The following RFX3 variants were observed in gnomAD, a reference collection of about 807,000 sequenced individuals.
The protein encoded by RFX3 is regulatory factor X3.
Under a neutral mutation model 98.6 loss-of-function variants are expected in RFX3, and 14 were observed. That is an observed-to-expected ratio of 0.14 (90% CI 0.09 to 0.22). The LOEUF (loss-of-function observed/expected upper bound fraction) is 0.22. RFX3 is among the 10% of genes least tolerant of loss of function. The pLI is 1.00. For synonymous variants in RFX3, 383 were observed against 328.4 expected (o/e 1.17, Z -1.80); for missense variants, 639 against 926.9 (o/e 0.69, Z 4.03).
chr9:3,384,299 GA>G (rs1564021854), intron 2 of RFX3, among the ~76,000 whole-genome samples: 1 of 152,034 alleles, frequency 6.6e-6, no homozygotes, highest in Non-Finnish European at 1.5e-5. Flanking sequence ...AAGAGCCTTT[GA>G]AAAAAAGAAT....
chr9:3,231,611 C>A (rs1818457482), intron 15 of RFX3, among the ~76,000 whole-genome samples: 1 of 151,880 alleles, frequency 6.6e-6, no homozygotes, highest in Non-Finnish European at 1.5e-5. Flanking sequence ...GGGTTCAAGT[C>A]TTAGAAATGG....
chr9:3,220,624 C>G lies in RFX3; in HGVS notation c.*4418G>C, dbSNP rs1817294369. 1 of 117,266 alleles carries G rather than the reference C, an allele frequency of 8.5e-6. No individual in the cohort carries two copies. The highest frequency in any genetic ancestry group is 3.3e-4 in the South Asian group (1 of 3,002). The allele number at this position is 117,266 out of a possible 1,614,324, so 7.3% of individuals were successfully genotyped here. On this transcript the variant is annotated 3_prime_UTR_variant, in exon 17 of 17. Coordinates refer to ENST00000617270, the MANE Select transcript of RFX3 (RefSeq NM_001282116.2). The stretch of plus-strand genomic sequence containing the variant: ...AATGCAAGTGTTCGGCGTGGAAACA[C>G]TTTCTCTTCCTACCCCCCCCTTTAA...
At chr9:3,255,125 T>C (rs1291445688) in intron 14 of RFX3, among the ~76,000 whole-genome samples, 1 of 152,216 alleles carries the variant, frequency 6.6e-6, no homozygotes, top group Non-Finnish European at 1.5e-5. Flanking sequence ...TTATGAAACA[T>C]ATAATGTGGA....
At chr9:3,279,855 T>C (rs1825706852) in intron 7 of RFX3, among the ~76,000 whole-genome samples, 1 of 151,842 alleles carries the variant, frequency 6.6e-6, no homozygotes, top group African/African-American at 2.4e-5. Context: ...TACTTAATGA[T>C]ACTGAGTGGG....
intron 1 of RFX3, among the ~76,000 whole-genome samples, chr9:3,395,937 C>T (rs1432546900): frequency 3.9e-5 from 6 of 152,100 alleles, no homozygotes; most frequent in Non-Finnish European, 8.8e-5. Context: ...GTTCTTAATT[C>T]TCAGAACACA....
intron 4 of RFX3, 81 bp downstream of exon 4, chr9:3,330,178 G>A (rs1832424718): frequency 2.8e-6 from 4 of 1,434,752 alleles, no homozygotes; most frequent in Middle Eastern, 2.3e-4. Context: ...CATCTGTGTT[G>A]TTCTTTTCCC....
chr9:3,372,758 G>C (rs537575354), intron 2 of RFX3, among the ~76,000 whole-genome samples: 1 of 151,882 alleles, frequency 6.6e-6, no homozygotes, highest in Non-Finnish European at 1.5e-5. Context: ...GCTAATTTTT[G>C]TGTTTTTAGT....
intron 1 of RFX3, among the ~76,000 whole-genome samples, chr9:3,407,756 AT>A (rs1266423809): frequency 2.6e-5 from 4 of 152,184 alleles, no homozygotes; most frequent in Admixed American, 6.5e-5. Context: ...CCTCTAAAAA[AT>A]ATCTTAATTT....
chr9:3,334,843 G>T (rs1360233349), intron 3 of RFX3, among the ~76,000 whole-genome samples: 1 of 152,158 alleles, frequency 6.6e-6, no homozygotes, highest in Non-Finnish European at 1.5e-5. Context: ...AGCTGGGCCA[G>T]GCGCGGTGGT....
intron 15 of RFX3, among the ~76,000 whole-genome samples, chr9:3,235,397 G>A (rs1242099120): frequency 7.2e-5 from 11 of 152,166 alleles, no homozygotes; most frequent in South Asian, 2.1e-4. Context: ...CCTATAATCC[G>A]TAAGTCTTCA....
intron 1 of RFX3, among the ~76,000 whole-genome samples, chr9:3,430,837 A>G (rs1844592233): frequency 6.6e-6 from 1 of 152,194 alleles, no homozygotes; most frequent in South Asian, 2.1e-4. Flanking sequence ...AGAAATATCA[A>G]AAAATTAAGA....
intron 3 of RFX3, among the ~76,000 whole-genome samples, chr9:3,336,969 G>A (rs1486930215): frequency 2.0e-5 from 3 of 152,158 alleles, no homozygotes; most frequent in Non-Finnish European, 4.4e-5. Flanking sequence ...TGAAATGTAC[G>A]CCTAATTTTC....
chr9:3,227,291 T>C (rs780793601), intron 16 of RFX3, among the ~76,000 whole-genome samples: 8 of 152,180 alleles, frequency 5.3e-5, no homozygotes, highest in Non-Finnish European at 1.0e-4. Flanking sequence ...AGTGAGAAAA[T>C]GGACTGGACG....
At chr9:3,364,408 T>C in intron 2 of RFX3, 2 of 231,348 alleles carry the variant, frequency 8.6e-6, no homozygotes, top group Non-Finnish European at 1.7e-5. Context: ...ATGGGCGGTC[T>C]TTTTCTTCAT....
At chr9:3,266,429 T>A (rs778153472) in intron 11 of RFX3, 124 bp from the exon 12 acceptor site, 2 of 443,008 alleles carry the variant, frequency 4.5e-6, no homozygotes, top group Non-Finnish European at 4.0e-6. Context: ...ATTGTCCTCA[T>A]TGATGAAACT....
At chr9:3,261,277 T>A (rs1394011500) in intron 13 of RFX3, among the ~76,000 whole-genome samples, 2 of 152,098 alleles carry the variant, frequency 1.3e-5, no homozygotes, top group Non-Finnish European at 2.9e-5. Context: ...ATAAACCCCA[T>A]GACTCTTATT....
intron 4 of RFX3, among the ~76,000 whole-genome samples, chr9:3,320,364 C>T (rs576820488): frequency 6.6e-6 from 1 of 151,884 alleles, no homozygotes; most frequent in South Asian, 2.1e-4. Context: ...ACCAGCCTGG[C>T]CAAAACAGGG....
At chr9:3,275,793 A>C (rs1825130330) in intron 8 of RFX3, among the ~76,000 whole-genome samples, 181 bp from the exon 9 acceptor site, 1 of 152,134 alleles carries the variant, frequency 6.6e-6, no homozygotes, top group African/African-American at 2.4e-5. Context: ...TCAGCACAAA[A>C]TATAAAACTA....
intron 1 of RFX3, among the ~76,000 whole-genome samples, chr9:3,447,804 C>G (rs1428207556): frequency 1.3e-5 from 2 of 151,926 alleles, no homozygotes; most frequent in African/African-American, 4.8e-5. Flanking sequence ...CACTTCCCTA[C>G]AGGTGGATAT....
Sources: allele counts gnomAD v4.1 joint callset (sites outside exome capture counted in the v4.1 genomes callset), GRCh38; gene constraint gnomAD v4.1.1; transcripts MANE v1.5; gene names NCBI Gene and HGNC (gene_info 2026-07-23, HGNC 2026-07-21).